DCC: variants seen among roughly 807,000 people sequenced by gnomAD.
DCC encodes netrin receptor DCC.
DCC carries 58 observed loss-of-function variants against 172.5 expected under a neutral mutation model. The observed-to-expected ratio is 0.34, with a 90% CI of 0.27 to 0.42. The LOEUF (loss-of-function observed/expected upper bound fraction) is 0.42. Among genes scored for constraint, DCC ranks in the 10% least tolerant of loss-of-function variants. The probability of loss-of-function intolerance (pLI) is 1.00; values close to 1 mark genes in which losing one functional copy is unlikely to be tolerated. For synonymous variants in DCC, 709 were observed against 644.5 expected (o/e 1.10, Z -1.52); for missense variants, 1,740 against 1,791.0 (o/e 0.97, Z 0.51).
At chr18:52,801,412 A>G (rs1001935072) in intron 2 of DCC, among the ~76,000 whole-genome samples, 2 of 152,224 alleles carry the variant, frequency 1.3e-5, no homozygotes, top group Non-Finnish European at 2.9e-5. Context: ...TTTCACAATA[A>G]CAATGAAGGA....
chr18:52,526,652 T>C (rs1188903994), intron 1 of DCC, among the ~76,000 whole-genome samples: 1 of 152,148 alleles, frequency 6.6e-6, no homozygotes, highest in African/African-American at 2.4e-5. Context: ...ATGAGGTAAT[T>C]TGTGTGAACA....
intron 12 of DCC, among the ~76,000 whole-genome samples, chr18:53,222,383 CTTTTTTTTTTTT>C (rs67373546): frequency 9.6e-6 from 1 of 104,216 alleles, no homozygotes; most frequent in Non-Finnish European, 1.8e-5. Context: ...TTTCTTTTTT[CTTTTTTTTTTTT>C]TTTTTTTGAA....
intron 2 of DCC, among the ~76,000 whole-genome samples, chr18:52,782,829 T>G (rs1038407754): frequency 1.3e-5 from 2 of 152,106 alleles, no homozygotes; most frequent in Non-Finnish European, 2.9e-5. Flanking sequence ...TTAAGGGGAA[T>G]GTATTCCCCA....
intron 5 of DCC, among the ~76,000 whole-genome samples, chr18:53,008,068 A>G (rs1455255473): frequency 2.0e-5 from 3 of 152,180 alleles, no homozygotes; most frequent in African/African-American, 7.2e-5. Flanking sequence ...GAATTTGTGC[A>G]TAATATTACT....
intron 2 of DCC, among the ~76,000 whole-genome samples, chr18:52,854,841 G>T (rs1206782020): frequency 1.3e-5 from 2 of 152,106 alleles, no homozygotes; most frequent in Non-Finnish European, 2.9e-5. Context: ...TTAACATTGG[G>T]CATGCCTTCA....
At chr18:52,673,846 T>G (rs1388921352) in intron 1 of DCC, among the ~76,000 whole-genome samples, 1 of 152,196 alleles carries the variant, frequency 6.6e-6, no homozygotes, top group Admixed American at 6.5e-5. Flanking sequence ...GTTACTCATT[T>G]TTAATATTCA....
chr18:53,486,230 T>A (rs1283555706), intron 25 of DCC, among the ~76,000 whole-genome samples: 1 of 152,210 alleles, frequency 6.6e-6, no homozygotes, highest in Non-Finnish European at 1.5e-5. Context: ...CAGTTACACT[T>A]AATATGTCAC....
intron 7 of DCC, among the ~76,000 whole-genome samples, chr18:53,150,365 A>G (rs1222632977): frequency 6.6e-6 from 1 of 152,208 alleles, no homozygotes; most frequent in Non-Finnish European, 1.5e-5. Flanking sequence ...ACATAATCTC[A>G]CAAATTTGCA....
chr18:52,657,076 C>T (rs1308585862), intron 1 of DCC, among the ~76,000 whole-genome samples: 1 of 152,114 alleles, frequency 6.6e-6, no homozygotes, highest in African/African-American at 2.4e-5. Context: ...AGAGACACTG[C>T]AATATACAAG....
At chr18:52,815,791 T>C (rs1270358127) in intron 2 of DCC, among the ~76,000 whole-genome samples, 3 of 152,218 alleles carry the variant, frequency 2.0e-5, no homozygotes, top group Admixed American at 1.3e-4. Flanking sequence ...TCTCCAATGA[T>C]ATAGGACATG....
chr18:53,015,193 C>T (rs1375644970), intron 5 of DCC, among the ~76,000 whole-genome samples: 1 of 152,122 alleles, frequency 6.6e-6, no homozygotes, highest in Non-Finnish European at 1.5e-5. Flanking sequence ...CAAAGATAAT[C>T]CCAATCTGAC....
chr18:53,000,445 C>T (rs950356042), intron 5 of DCC, among the ~76,000 whole-genome samples: 3 of 151,866 alleles, frequency 2.0e-5, no homozygotes, highest in Admixed American at 6.6e-5. Flanking sequence ...ATACGTAAAA[C>T]TTGGTGTCTG....
intron 5 of DCC, among the ~76,000 whole-genome samples, chr18:52,993,478 T>C (rs1404716407): frequency 6.6e-6 from 1 of 152,134 alleles, no homozygotes; most frequent in Non-Finnish European, 1.5e-5. Flanking sequence ...TAATGGAATG[T>C]CTGTTACCAT....
chr18:52,720,032 T>C (rs774465055), intron 1 of DCC, among the ~76,000 whole-genome samples: 1 of 151,908 alleles, frequency 6.6e-6, no homozygotes, highest in African/African-American at 2.4e-5. Flanking sequence ...TCCTGCTTGA[T>C]GTGGAGAAAG....
At chr18:52,945,634 C>T (rs1943134) in intron 5 of DCC, among the ~76,000 whole-genome samples, 9,183 of 152,284 alleles carry the variant, frequency 0.06, 367 homozygotes, top group South Asian at 0.15. Flanking sequence ...TGAGTTGATG[C>T]TGGCACTGCC....
intron 5 of DCC, among the ~76,000 whole-genome samples, chr18:53,019,950 C>T (rs2041856631): frequency 1.3e-5 from 2 of 152,064 alleles, no homozygotes; most frequent in Non-Finnish European, 2.9e-5. Context: ...GAGAAAATGG[C>T]ATTTCCTGGA....
At chr18:53,506,040 A>ATGTATATCTACCTGAGAAGT (rs2046170965) in intron 27 of DCC, among the ~76,000 whole-genome samples, 1 of 152,196 alleles carries the variant, frequency 6.6e-6, no homozygotes. Context: ...TTCCAAATAA[A>ATGTATATCTACCTGAGAAGT]TGTATATCTA....
At chr18:52,558,345 G>T (rs578003251) in intron 1 of DCC, among the ~76,000 whole-genome samples, 1 of 151,806 alleles carries the variant, frequency 6.6e-6, no homozygotes, top group Non-Finnish European at 1.5e-5. Flanking sequence ...GCAAAGCTTC[G>T]TAGAACCATT....
At chr18:52,473,605 G>A (rs1186026176) in intron 1 of DCC, among the ~76,000 whole-genome samples, 1 of 152,154 alleles carries the variant, frequency 6.6e-6, no homozygotes, top group Non-Finnish European at 1.5e-5. Flanking sequence ...TGAGTGCCCA[G>A]TGAAGGGGGA....
Sources: gnomAD v4.1 joint callset for allele counts (sites outside exome capture counted in the v4.1 genomes callset) on GRCh38, gnomAD v4.1.1 for gene constraint, MANE v1.5 for transcripts, NCBI Gene and HGNC (gene_info 2026-07-23, HGNC 2026-07-21) for gene names.